TACR2: variants seen among roughly 807,000 people sequenced by gnomAD.
TACR2 encodes tachykinin receptor 2.
TACR2 carries 24 observed loss-of-function variants against 28.9 expected under a neutral mutation model. The ratio of observed to expected loss-of-function variants is 0.83; its 90% CI spans 0.60 to 1.17. The LOEUF (loss-of-function observed/expected upper bound fraction) is 1.17. Among genes scored for constraint, TACR2 ranks in the 50% most tolerant of loss-of-function variants. TACR2 has a pLI of 0.00. For synonymous variants in TACR2, 222 were observed against 212.6 expected (o/e 1.04, Z -0.38); for missense variants, 487 against 524.4 (o/e 0.93, Z 0.70).
chr10:69,412,982 C>A (rs556413259), intron 2 of TACR2, among the ~76,000 whole-genome samples: 67 of 152,298 alleles, frequency 4.4e-4, no homozygotes, highest in African/African-American at 1.3e-3. Flanking sequence ...AGGCACCCAC[C>A]ATCAAGCCCA....
rs1840486112 is a variant in TACR2 at position 69,404,814 on chromosome 10, G to A, written c.*12C>T. The stretch of plus-strand genomic sequence containing the variant: ...CCACTAACCCCTACCTCCCAACACT[G>A]CCACATTGGGATCAAATTTCAACAT... On this transcript the variant is annotated 3_prime_UTR_variant, in exon 5 of 5. Transcript: ENST00000373306. The A allele has an allele frequency of 6.9e-7, 1 of 1,455,056 alleles. No homozygotes were observed. The highest frequency in any genetic ancestry group is 9.3e-7 in the Non-Finnish European group (1 of 1,072,850). The allele number at this position is 1,455,056 out of a possible 1,614,324, so 90.1% of individuals were successfully genotyped here.
chr10:69,408,944 C>T lies in TACR2; in HGVS notation c.719G>A (p.Arg240His). ...CACCTTCTTCATGGCCTGCAGGTGGCGCAGGTTGGCACCGTGCGCCTGATG... is the reference window on the plus strand; with the variant it reads ...CACCTTCTTCATGGCCTGCAGGTGGTGCAGGTTGGCACCGTGCGCCTGATG... ...PGHQAHGANL[R>H]HLQAMKKFVK... The change falls in exon 3 of 5, where the codon CGC becomes CAC. Residue 240 changes from arginine (R) to histidine (H), a missense_variant. Physicochemically the swap from Arg to His is conservative, Grantham distance 29 (BLOSUM62 0). Transcript: ENST00000373306. The T allele has an allele frequency of 1.3e-6, 2 of 1,516,498 alleles. No individual in the cohort carries two copies. Among genetic ancestry groups the T allele is most frequent in the Non-Finnish European group, 1.8e-6 (2 of 1,132,562 alleles). 93.9% of individuals were successfully genotyped at this position (1,516,498 alleles called of 1,614,324 possible).
At chr10:69,409,904 C>CACATATATACATATATATATATATACAT (rs1394352857) in intron 2 of TACR2, among the ~76,000 whole-genome samples, 1 of 34,672 alleles carries the variant, frequency 2.9e-5, no homozygotes, top group Non-Finnish European at 5.0e-5. Context: ...TATATATATA[C>CACATATATACATATATATATATATACAT]ATATATATAT....
chr10:69,408,045 AACCCATT>A (rs1006287373), intron 3 of TACR2, among the ~76,000 whole-genome samples: 70 of 152,326 alleles, frequency 4.6e-4, no homozygotes, highest in African/African-American at 1.6e-3. Flanking sequence ...TGATGTGGTT[AACCCATT>A]ACCTCCCCTG....
chr10:69,404,915 T>G lies in TACR2; in HGVS notation c.1108A>C (p.Ser370Arg), dbSNP rs200238381. Reference protein sequence around the residue: ...AGDTAPSEATSGEAGRPQDGS... With the variant: ...AGDTAPSEATRGEAGRPQDGS... ...TCCTGGGGACGCCCCGCCTCCCCAC[T>G]GGTAGCCTCGGAGGGGGCTGTGTCC... The change falls in exon 5 of 5, where the codon AGT (serine) becomes CGT (arginine). Residue 370 changes from serine (S) to arginine (R), a missense_variant. Coordinates refer to ENST00000373306, the MANE Select transcript of TACR2 (RefSeq NM_001057.3). 6.8e-6 allele frequency: 11 copies of G among 1,614,098 alleles called. No homozygotes were observed. Among genetic ancestry groups the G allele is most frequent in the Admixed American group, 1.7e-5 (1 of 60,016 alleles).
At chr10:69,405,242 G>T (rs1840491502) in intron 4 of TACR2, among the ~76,000 whole-genome samples, 158 bp from the exon 5 acceptor site, 1 of 152,136 alleles carries the variant, frequency 6.6e-6, no homozygotes, top group African/African-American at 2.4e-5. Context: ...AGATGCCTTC[G>T]TGGGTGAGTT....
chr10:69,409,370 A>C, intron 2 of TACR2: 3 of 263,724 alleles, frequency 1.1e-5, no homozygotes, highest in Non-Finnish European at 2.1e-5. Context: ...AATGAAACAA[A>C]TTAAGAAATA....
rs1022953862 is a variant in TACR2, at chr10:69,404,558, G to A, written c.*268C>T. On this transcript the variant is annotated 3_prime_UTR_variant, in exon 5 of 5. Transcript: ENST00000373306. ...ATCCAAGATTGGGCAGCTGCATCTG[G>A]TGAAGGCCTCAGGCTGCTTCTTGTC... The A allele has an allele frequency of 3.2e-6, 1 of 308,942 alleles. No homozygotes were observed. Among genetic ancestry groups the A allele is most frequent in the Non-Finnish European group, 5.9e-6 (1 of 169,560 alleles). 19.1% of individuals were successfully genotyped at this position (308,942 alleles called of 1,614,324 possible).
At chr10:69,407,636 C>T (rs571382481) in intron 3 of TACR2, among the ~76,000 whole-genome samples, 39 of 152,332 alleles carry the variant, frequency 2.6e-4, no homozygotes, top group African/African-American at 8.4e-4. Flanking sequence ...AACCCCATCC[C>T]TGGGGGAGCC....
At position 69,404,775 on chromosome 10, in the gene TACR2, T is replaced by C. The variant is rs1840485683; in HGVS notation, c.*51A>G. 1.0e-6 allele frequency: 1 copy of C among 964,814 alleles called. No individual in the cohort carries two copies. Among genetic ancestry groups the C allele is most frequent in the African/African-American group, 1.7e-5 (1 of 60,408 alleles). The allele number at this position is 964,814 out of a possible 1,614,324, so 59.8% of individuals were successfully genotyped here. A position where few individuals can be genotyped will look rare whatever the true frequency, so the allele number is the denominator to read the frequency against. ...CTATTCATAAGGGATCCATCCCCAA[T>C]ACCCAAACACCTCCCACTAACCCCT... On this transcript the variant is annotated 3_prime_UTR_variant, in exon 5 of 5. Coordinates refer to ENST00000373306, the MANE Select transcript of TACR2 (RefSeq NM_001057.3).
chr10:69,411,700 G>A (rs1840570624), intron 2 of TACR2, among the ~76,000 whole-genome samples: 1 of 152,134 alleles, frequency 6.6e-6, no homozygotes, highest in Non-Finnish European at 1.5e-5. Flanking sequence ...ACAGAAGACA[G>A]CGAGAAAACC....
intron 2 of TACR2, among the ~76,000 whole-genome samples, chr10:69,409,699 T>C (rs1564580911): frequency 6.6e-6 from 1 of 151,900 alleles, no homozygotes; most frequent in Non-Finnish European, 1.5e-5. Flanking sequence ...CTGTGCCTAA[T>C]TTATAAATTA....
intron 2 of TACR2, among the ~76,000 whole-genome samples, chr10:69,410,762 G>A (rs1474231894): frequency 6.6e-6 from 1 of 152,190 alleles, no homozygotes; most frequent in Admixed American, 6.5e-5. Flanking sequence ...CCTAGTGTAA[G>A]AACATGTCAA....
chr10:69,411,926 G>C (rs1840572312), intron 2 of TACR2, among the ~76,000 whole-genome samples: 1 of 152,158 alleles, frequency 6.6e-6, no homozygotes, highest in Non-Finnish European at 1.5e-5. Context: ...CCACCTCCCA[G>C]ATTCAAGTGA....
Position 69,410,453 on chromosome 10 carries a change from C to G in TACR2, c.588-1378G>C, listed in dbSNP as rs550555291. ...AGAGGTTCACTTGAGCCCAGGAGATCGAGGCTGTAATGAGCTATGATTGGG... is the reference window on the plus strand; with the variant it reads ...AGAGGTTCACTTGAGCCCAGGAGATGGAGGCTGTAATGAGCTATGATTGGG... On this transcript the variant is annotated intron_variant, in intron 2 of 4. Transcript: ENST00000373306. 8.7e-5 allele frequency among the ~76,000 whole-genome samples: 13 copies of G among 149,266 alleles called. No homozygotes were observed. In the Admixed American group the frequency reaches 8.8e-4, roughly 10 times the overall value.
At chr10:69,414,331 A>G (rs1209498281) in intron 2 of TACR2, among the ~76,000 whole-genome samples, 1 of 152,168 alleles carries the variant, frequency 6.6e-6, no homozygotes, top group Non-Finnish European at 1.5e-5. Flanking sequence ...TCTCCCCCAG[A>G]CACACGCCTA....
intron 4 of TACR2, among the ~76,000 whole-genome samples, chr10:69,405,855 CAA>C (rs1840497191): frequency 6.6e-6 from 1 of 152,166 alleles, no homozygotes; most frequent in African/African-American, 2.4e-5. Flanking sequence ...TTCAATCCCA[CAA>C]GTCTTTAAAA....
chr10:69,414,241 G>T (rs556560550), intron 2 of TACR2, among the ~76,000 whole-genome samples: 1 of 152,194 alleles, frequency 6.6e-6, no homozygotes, highest in Non-Finnish European at 1.5e-5. Flanking sequence ...CACCTCAGCA[G>T]CCTGAAAATG....
chr10:69,415,230 G>A lies in TACR2; in HGVS notation c.393-91C>T, dbSNP rs1047273378. On this transcript the variant is annotated intron_variant, in intron 1 of 4. Coordinates refer to ENST00000373306, the MANE Select transcript of TACR2 (RefSeq NM_001057.3). ...TCCCTCTCTCCCAACCCAGGCCCACGCCTTCTAGCCATTCCCCGCACTGCT... is the reference window on the plus strand; with the variant it reads ...TCCCTCTCTCCCAACCCAGGCCCACACCTTCTAGCCATTCCCCGCACTGCT... The A allele has an allele frequency of 6.5e-5, 90 of 1,378,728 alleles. 1 individual carries two copies. Among genetic ancestry groups the A allele is most frequent in the South Asian group, 2.5e-4 (18 of 70,968 alleles). The allele number at this position is 1,378,728 out of a possible 1,614,324, so 85.4% of individuals were successfully genotyped here. A position where few individuals can be genotyped will look rare whatever the true frequency, so the allele number is the denominator to read the frequency against.
Sources: allele counts gnomAD v4.1 joint callset (sites outside exome capture counted in the v4.1 genomes callset), GRCh38; gene constraint gnomAD v4.1.1; transcripts MANE v1.5; gene names NCBI Gene and HGNC (gene_info 2026-07-23, HGNC 2026-07-21).